The following TNFSF4 variants were observed in gnomAD, a reference collection of about 807,000 sequenced individuals.
The protein encoded by TNFSF4 is TNF superfamily member 4.
Under a neutral mutation model 7.3 loss-of-function variants are expected in TNFSF4, and 4 were observed. The observed-to-expected ratio is 0.55, with a 90% CI of 0.27 to 1.25. The LOEUF is 1.25. Ranked by LOEUF, TNFSF4 falls within the 50% of genes most tolerant of loss-of-function variation. The probability of loss-of-function intolerance (pLI) is 0.12; values close to 1 mark genes in which losing one functional copy is unlikely to be tolerated. For missense variants in TNFSF4, 181 were observed against 208.8 expected (o/e 0.87, Z 0.82); for synonymous variants, 76 against 83.7 (o/e 0.91, Z 0.50).
the TNFSF4 span, among the ~76,000 whole-genome samples, chr1:173,364,874 T>C: frequency 2.0e-5 from 3 of 152,000 alleles, no homozygotes; most frequent in African/African-American, 7.2e-5. Context: ...GAAAAAAATA[T>C]ATAAAATTAT....
the TNFSF4 span, among the ~76,000 whole-genome samples, chr1:173,257,634 C>T: frequency 6.6e-6 from 1 of 152,216 alleles, no homozygotes; most frequent in Non-Finnish European, 1.5e-5. Flanking sequence ...AAATTAGAAC[C>T]GGCCAAAGGG....
chr1:173,275,060 G>C, the TNFSF4 span, among the ~76,000 whole-genome samples: 10 of 152,190 alleles, frequency 6.6e-5, no homozygotes, highest in South Asian at 1.9e-3. Flanking sequence ...AAGCTGACTT[G>C]CTGCCCTTTC....
rs1649128538 is a variant in TNFSF4 at position 173,184,215 on chromosome 1, T to C, written c.*2301A>G. On this transcript the variant is annotated 3_prime_UTR_variant, in exon 3 of 3. Coordinates refer to ENST00000281834, the MANE Select transcript of TNFSF4 (RefSeq NM_003326.5). ...GGGAAATGACTTTCCCAAGGTTACA[T>C]GGCTAGTTAGTGGCTAAGTCAAATT... is the stretch of plus-strand genomic sequence containing the variant. 1 of 152,244 alleles carries C rather than the reference T, an allele frequency of 6.6e-6. No individual in the cohort carries two copies. Among genetic ancestry groups the C allele is most frequent in the African/African-American group, 2.4e-5 (1 of 41,460 alleles). 9.4% of individuals were successfully genotyped at this position (152,244 alleles called of 1,614,324 possible).
the TNFSF4 span, among the ~76,000 whole-genome samples, chr1:173,286,134 G>C: frequency 1.3e-5 from 2 of 152,172 alleles, no homozygotes; most frequent in African/African-American, 4.8e-5. Flanking sequence ...ATATGCTCAT[G>C]AATTACAAAA....
the TNFSF4 span, among the ~76,000 whole-genome samples, chr1:173,441,066 T>G: frequency 1.3e-5 from 2 of 152,170 alleles, no homozygotes; most frequent in African/African-American, 4.8e-5. Context: ...CTGAGTGCAG[T>G]CAGAGCAGGG....
At chr1:173,182,982 C>A (rs1419502570), downstream of TNFSF4, among the ~76,000 whole-genome samples, 2 of 152,160 alleles carry the variant, frequency 1.3e-5, no homozygotes, top group Non-Finnish European at 2.9e-5. Flanking sequence ...ATCACCAGAT[C>A]TCCTGTTTCT....
intron 1 of TNFSF4, among the ~76,000 whole-genome samples, chr1:173,206,668 C>A (rs1650205967): frequency 6.6e-6 from 1 of 152,130 alleles, no homozygotes; most frequent in Non-Finnish European, 1.5e-5. Context: ...ATATTAATTG[C>A]CTGATCAAAC....
At chr1:173,197,219 T>G (rs945785160) in intron 1 of TNFSF4, among the ~76,000 whole-genome samples, 1 of 152,232 alleles carries the variant, frequency 6.6e-6, no homozygotes, top group Non-Finnish European at 1.5e-5. Context: ...ACTTTTACAC[T>G]GTTGGTGGGA....
At chr1:173,208,849 CAA>C (rs572693565), upstream of TNFSF4, among the ~76,000 whole-genome samples, 11 of 85,102 alleles carry the variant, frequency 1.3e-4, no homozygotes, top group Admixed American at 4.8e-4. Flanking sequence ...AGAGTCACAG[CAA>C]AAAAAAAAAA....
At chr1:173,173,323 T>A in the TNFSF4 span, among the ~76,000 whole-genome samples, 9 of 152,262 alleles carry the variant, frequency 5.9e-5, no homozygotes, top group South Asian at 1.7e-3. Flanking sequence ...CATAGTCTCG[T>A]CTGAGACAAG....
chr1:173,191,971 G>A (rs1441599834), intron 1 of TNFSF4, among the ~76,000 whole-genome samples: 2 of 152,198 alleles, frequency 1.3e-5, no homozygotes, highest in African/African-American at 2.4e-5. Flanking sequence ...GAGATCAGGA[G>A]TTTGAGACCA....
chr1:173,262,875 C>T, the TNFSF4 span, among the ~76,000 whole-genome samples: 1 of 152,188 alleles, frequency 6.6e-6, no homozygotes, highest in African/African-American at 2.4e-5. Flanking sequence ...GCTGGGATTA[C>T]AGGCGTGAGC....
chr1:173,413,571 A>G, the TNFSF4 span, among the ~76,000 whole-genome samples: 1 of 152,178 alleles, frequency 6.6e-6, no homozygotes, highest in African/African-American at 2.4e-5. Context: ...ACTTGGTCAT[A>G]GAAGAGTCTA....
At chr1:173,423,667 A>G in the TNFSF4 span, among the ~76,000 whole-genome samples, 1 of 152,188 alleles carries the variant, frequency 6.6e-6, no homozygotes, top group Non-Finnish European at 1.5e-5. Flanking sequence ...TAGGAAGGAG[A>G]ACATCCCACC....
chr1:173,271,194 T>C, the TNFSF4 span, among the ~76,000 whole-genome samples: 1 of 152,168 alleles, frequency 6.6e-6, no homozygotes, highest in East Asian at 1.9e-4. Context: ...TTGCTTTTGG[T>C]GTTTTAGTCA....
chr1:173,321,248 A>G, the TNFSF4 span, among the ~76,000 whole-genome samples: 2 of 152,362 alleles, frequency 1.3e-5, no homozygotes, highest in Admixed American at 1.3e-4. Context: ...TATTTAATAA[A>G]TGGTGTTGGG....
At chr1:173,349,878 C>T in the TNFSF4 span, among the ~76,000 whole-genome samples, 5 of 152,148 alleles carry the variant, frequency 3.3e-5, no homozygotes, top group Non-Finnish European at 7.4e-5. Context: ...TAAGAAAAAG[C>T]AAATCACTTA....
chr1:173,232,049 T>C, the TNFSF4 span, among the ~76,000 whole-genome samples: 1 of 152,184 alleles, frequency 6.6e-6, no homozygotes, highest in African/African-American at 2.4e-5. Context: ...ATCTATAAAT[T>C]ACCCTGGGCA....
chr1:173,210,729 G>T (rs186671805), upstream of TNFSF4, among the ~76,000 whole-genome samples: 19 of 152,220 alleles, frequency 1.2e-4, no homozygotes, highest in Middle Eastern at 3.4e-3. Context: ...TAATTCTAGG[G>T]GGGGGAAAAG....
Sources: allele counts gnomAD v4.1 joint callset (sites outside exome capture counted in the v4.1 genomes callset), GRCh38; gene constraint gnomAD v4.1.1; transcripts MANE v1.5; gene names NCBI Gene and HGNC (gene_info 2026-07-23, HGNC 2026-07-21).